BRINP1: variants seen among roughly 807,000 people sequenced by gnomAD.
The protein encoded by BRINP1 is BMP/retinoic acid inducible neural specific 1, also known as BMP/retinoic acid-inducible neural-specific protein 1.
BRINP1 carries 17 observed loss-of-function variants against 72.9 expected under a neutral mutation model. The ratio of observed to expected loss-of-function variants is 0.23; its 90% confidence interval spans 0.16 to 0.35. The LOEUF is 0.35. Ranked by LOEUF, BRINP1 falls within the 10% of genes least tolerant of loss-of-function variation. The pLI is 1.00. For synonymous variants in BRINP1, 418 were observed against 378.5 expected, an observed-to-expected ratio of 1.10 and a Z score of -1.21; for missense variants, 850 against 1,001.6, an observed-to-expected ratio of 0.85 and a Z score of 2.04.
intron 1 of BRINP1, among the ~76,000 whole-genome samples, chr9:119,349,498 G>GT (rs1220971028): frequency 6.6e-6 from 1 of 152,172 alleles, no homozygotes; most frequent in Non-Finnish European, 1.5e-5. Flanking sequence ...ACCGAGATGC[G>GT]TTACAAGGAA....
chr9:119,251,604 C>T (rs1311134873), intron 2 of BRINP1, among the ~76,000 whole-genome samples: 1 of 147,400 alleles, frequency 6.8e-6, no homozygotes, highest in African/African-American at 2.4e-5. Context: ...CAAATAAACA[C>T]AAAAACAACA....
intron 7 of BRINP1, among the ~76,000 whole-genome samples, chr9:119,186,564 T>C (rs975737402): frequency 6.6e-6 from 1 of 152,048 alleles, no homozygotes; most frequent in Non-Finnish European, 1.5e-5. Flanking sequence ...CTCAGGTAAT[T>C]GGAGCTTTGG....
At chr9:119,214,587 T>TTAA (rs1829959547) in intron 5 of BRINP1, among the ~76,000 whole-genome samples, 1 of 144,066 alleles carries the variant, frequency 6.9e-6, no homozygotes, top group Non-Finnish European at 1.5e-5. Flanking sequence ...CCTGTAGAGA[T>TTAA]AAAAAAAAAA....
At chr9:119,329,659 G>A (rs1014325675) in intron 1 of BRINP1, among the ~76,000 whole-genome samples, 5 of 152,088 alleles carry the variant, frequency 3.3e-5, no homozygotes, top group African/African-American at 1.2e-4. Flanking sequence ...AACATACACA[G>A]GACAAAGATT....
At chr9:119,320,367 T>C (rs1831173033) in intron 1 of BRINP1, among the ~76,000 whole-genome samples, 1 of 152,210 alleles carries the variant, frequency 6.6e-6, no homozygotes, top group South Asian at 2.1e-4. Flanking sequence ...TAAATTTATC[T>C]ATTCATTCAT....
At chr9:119,244,043 C>T (rs1408372589) in intron 3 of BRINP1, among the ~76,000 whole-genome samples, 1 of 152,148 alleles carries the variant, frequency 6.6e-6, no homozygotes, top group African/African-American at 2.4e-5. Context: ...TTTCCCTCGT[C>T]GTTAGGACTT....
chr9:119,203,690 A>AC (rs1829825956), intron 7 of BRINP1, among the ~76,000 whole-genome samples: 1 of 152,192 alleles, frequency 6.6e-6, no homozygotes, highest in South Asian at 2.1e-4. Flanking sequence ...TGGAATTTGA[A>AC]CCAAGGCAGT....
chr9:119,272,149 G>A (rs1023676983), intron 2 of BRINP1, among the ~76,000 whole-genome samples: 3 of 150,382 alleles, frequency 2.0e-5, no homozygotes, highest in Non-Finnish European at 4.4e-5. Context: ...CGCGATCTTG[G>A]CTCAATGCAA....
intron 2 of BRINP1, among the ~76,000 whole-genome samples, chr9:119,304,036 T>C (rs571218714): frequency 1.3e-5 from 2 of 151,906 alleles, no homozygotes; most frequent in Admixed American, 1.3e-4. Flanking sequence ...CCCACCACCG[T>C]GCCTGCCTAA....
At chr9:119,316,541 C>A (rs1430078132) in intron 1 of BRINP1, among the ~76,000 whole-genome samples, 1 of 152,106 alleles carries the variant, frequency 6.6e-6, no homozygotes, top group African/African-American at 2.4e-5. Context: ...TAAGTTGACG[C>A]CAAATGCTCA....
chr9:119,312,393 G>A (rs1175429736), intron 2 of BRINP1, among the ~76,000 whole-genome samples: 3 of 152,094 alleles, frequency 2.0e-5, no homozygotes, highest in African/African-American at 7.2e-5. Context: ...TTTCCAGTTA[G>A]GTGAGAAAAA....
chr9:119,337,596 C>T (rs906994417), intron 1 of BRINP1, among the ~76,000 whole-genome samples: 1 of 152,204 alleles, frequency 6.6e-6, no homozygotes, highest in African/African-American at 2.4e-5. Context: ...CCAAGATTCT[C>T]CCTTAACTAC....
At chr9:119,238,956 C>G (rs528140036) in intron 4 of BRINP1, among the ~76,000 whole-genome samples, 196 bp from the exon 5 acceptor site, 3 of 152,286 alleles carry the variant, frequency 2.0e-5, no homozygotes. Flanking sequence ...GCAGGGTGGT[C>G]AAGCATACAG....
chr9:119,255,155 G>T (rs1043530656), intron 2 of BRINP1, among the ~76,000 whole-genome samples: 2 of 152,230 alleles, frequency 1.3e-5, no homozygotes, highest in South Asian at 4.1e-4. Context: ...TGCTCTGCTG[G>T]CCCGGGAACA....
chr9:119,327,192 G>T (rs761947677), intron 1 of BRINP1, among the ~76,000 whole-genome samples: 3 of 152,092 alleles, frequency 2.0e-5, no homozygotes, highest in African/African-American at 7.2e-5. Context: ...AGATGTTCAG[G>T]TTTGTTATAT....
At chr9:119,338,691 T>G (rs1587965668) in intron 1 of BRINP1, among the ~76,000 whole-genome samples, 4 of 133,278 alleles carry the variant, frequency 3.0e-5, no homozygotes, top group Non-Finnish European at 3.1e-5. Context: ...GCTAACATGG[T>G]GAAACCCCAT....
chr9:119,197,530 T>C (rs1200645380), intron 7 of BRINP1, among the ~76,000 whole-genome samples: 2 of 152,186 alleles, frequency 1.3e-5, no homozygotes, highest in African/African-American at 2.4e-5. Context: ...CTTGAGCAAG[T>C]TGTTCCACTA....
chr9:119,288,783 T>TTTTTG (rs745983679), intron 2 of BRINP1, among the ~76,000 whole-genome samples: 36 of 152,070 alleles, frequency 2.4e-4, no homozygotes, highest in Non-Finnish European at 3.7e-4. Flanking sequence ...GTTTGTTTGT[T>TTTTTG]TTTTGTTTTG....
intron 1 of BRINP1, among the ~76,000 whole-genome samples, chr9:119,318,847 GTGT>G (rs1564247105): frequency 0.033 from 2,128 of 63,848 alleles, 32 homozygotes; most frequent in Non-Finnish European, 0.059. Context: ...TGTGTGGGGT[GTGT>G]GTGTGTGTGT....
Sources: allele counts gnomAD v4.1 joint callset (sites outside exome capture counted in the v4.1 genomes callset), GRCh38; gene constraint gnomAD v4.1.1; transcripts MANE v1.5; gene names NCBI Gene and HGNC (gene_info 2026-07-23, HGNC 2026-07-21).